Variants in CUL3 observed in about 807,000 individuals in gnomAD.
CUL3 encodes the protein cullin 3.
In CUL3, 19 loss-of-function variants were observed where a neutral mutation model predicts 89.1. That is an observed-to-expected ratio of 0.21 (90% CI 0.15 to 0.31). The LOEUF (loss-of-function observed/expected upper bound fraction) is 0.31, where lower values mean the gene tolerates loss of function less well. CUL3 is among the 10% of genes least tolerant of loss of function. CUL3 has a pLI of 1.00. For missense variants in CUL3, 469 were observed against 942.3 expected (o/e 0.50, Z 6.58); for synonymous variants, 351 against 308.4 (o/e 1.14, Z -1.45).
chr2:224,543,914 G>A (rs1026175917), intron 2 of CUL3, among the ~76,000 whole-genome samples: 3 of 152,040 alleles, frequency 2.0e-5, no homozygotes, highest in Admixed American at 1.3e-4. Flanking sequence ...AAGCCCAGGA[G>A]GTGGAAGCTG....
Position 224,539,994 on chromosome 2 carries a change from G to A in CUL3, c.265-4353C>T, listed in dbSNP as rs184410364. Among the ~76,000 whole-genome samples, 35 of 152,078 alleles carry A rather than the reference G, an allele frequency of 2.3e-4. No individual in the cohort carries two copies. In the East Asian group the frequency reaches 6.8e-3, roughly 29 times the overall value. Reference sequence around the variant, plus strand: ...TCTGGTGTGGATGTGCATACAGGGGGGGAGGCTGTGCATATGTTGGGGCAG... The same window carrying A: ...TCTGGTGTGGATGTGCATACAGGGGAGGAGGCTGTGCATATGTTGGGGCAG... On this transcript the variant is annotated intron_variant, in intron 2 of 15. Transcript: ENST00000264414.
intron 2 of CUL3, among the ~76,000 whole-genome samples, chr2:224,546,484 G>C (rs1185075859): frequency 6.6e-6 from 1 of 152,106 alleles, no homozygotes; most frequent in Non-Finnish European, 1.5e-5. Context: ...TCAGCTATTT[G>C]TGGCTATGAA....
chr2:224,571,755 C>CTAAAAA (rs1351388951), intron 1 of CUL3, among the ~76,000 whole-genome samples: 1 of 152,148 alleles, frequency 6.6e-6, no homozygotes, highest in African/African-American at 2.4e-5. Flanking sequence ...AAATCTAAGA[C>CTAAAAA]TAAAAAGTAA....
intron 3 of CUL3, among the ~76,000 whole-genome samples, chr2:224,532,453 T>C (rs4674919): frequency 0.49 from 73,340 of 149,516 alleles, 18,047 homozygotes; most frequent in East Asian, 0.59. Context: ...CTGTGGCAAA[T>C]GCTGCTTAAA....
At chr2:224,519,658 A>ATG (rs2106234191) in intron 3 of CUL3, among the ~76,000 whole-genome samples, 1 of 152,332 alleles carries the variant, frequency 6.6e-6, no homozygotes, top group African/African-American at 2.4e-5. Context: ...TTTATATTAA[A>ATG]TGTCTGACAT....
At chr2:224,533,138 A>G (rs1268459126) in intron 3 of CUL3, 1 of 152,270 alleles carries the variant, frequency 6.6e-6, no homozygotes, top group Non-Finnish European at 1.5e-5. Flanking sequence ...AGGGTTGACC[A>G]CAGGTCTGTG....
intron 15 of CUL3, 73 bp downstream of exon 15, chr2:224,478,127 T>C: frequency 7.0e-7 from 1 of 1,430,954 alleles, no homozygotes; most frequent in Non-Finnish European, 9.4e-7. Flanking sequence ...TTTTTAAAAT[T>C]AGTTGAATAC....
intron 2 of CUL3, among the ~76,000 whole-genome samples, chr2:224,552,430 T>C (rs1225813105): frequency 1.3e-5 from 2 of 152,090 alleles, no homozygotes; most frequent in Non-Finnish European, 2.9e-5. Context: ...ACAAGAAAAA[T>C]AATATCCTAC....
chr2:224,505,003 G>A (rs949775444), intron 8 of CUL3, among the ~76,000 whole-genome samples: 1 of 152,090 alleles, frequency 6.6e-6, no homozygotes, highest in African/African-American at 2.4e-5. Flanking sequence ...ATTATTGTTT[G>A]ACATATAACC....
intron 6 of CUL3, 54 bp downstream of exon 6, chr2:224,511,300 A>C (rs573749631): frequency 4.6e-6 from 6 of 1,314,946 alleles, no homozygotes; most frequent in East Asian, 4.9e-5. Flanking sequence ...AAATTTTAAA[A>C]ATATCGATAA....
chr2:224,489,724 A>T (rs1487347573), intron 13 of CUL3, among the ~76,000 whole-genome samples: 1 of 152,182 alleles, frequency 6.6e-6, no homozygotes, highest in Non-Finnish European at 1.5e-5. Flanking sequence ...AGAAAAAACT[A>T]CTCATAAGAC....
At chr2:224,526,231 T>C (rs11691054) in intron 3 of CUL3, among the ~76,000 whole-genome samples, 28,875 of 152,140 alleles carry the variant, frequency 0.19, 3,061 homozygotes, top group South Asian at 0.27. Flanking sequence ...AAACTTCCCA[T>C]ATACATTGTC....
intron 3 of CUL3, among the ~76,000 whole-genome samples, chr2:224,517,398 T>C (rs545120422): frequency 6.6e-6 from 1 of 152,040 alleles, no homozygotes; most frequent in African/African-American, 2.4e-5. Flanking sequence ...ACAGGCCAGG[T>C]GCGGTGGCTC....
In CUL3 at chr2:224,485,571, C is replaced by A. The variant is rs1291928880; in HGVS notation, c.1843-3493G>T. On this transcript the variant is annotated intron_variant, in intron 13 of 15. Coordinates refer to ENST00000264414, the MANE Select transcript of CUL3 (RefSeq NM_003590.5). The surrounding 1 kb of genome is among the most constrained non-coding windows in gnomAD (Gnocchi z 4.1). ...AACTGCCTCTCTAGATTCCTCTTGA[C>A]TGGGCAGGGCATCTCGGAAAGAAAG... Among the ~76,000 whole-genome samples the A allele has an allele frequency of 6.6e-6, 1 of 152,194 alleles. No individual in the cohort carries two copies. Among genetic ancestry groups the A allele is most frequent in the African/African-American group, 2.4e-5 (1 of 41,456 alleles).
chr2:224,541,175 C>A, intron 2 of CUL3, among the ~76,000 whole-genome samples: 1 of 150,226 alleles, frequency 6.7e-6, no homozygotes, highest in East Asian at 2.0e-4. Context: ...CAGAGAGAAG[C>A]TACAGAATAG....
chr2:224,482,093 G>C lies in CUL3; in HGVS notation c.1843-15C>G, dbSNP rs777243450. On this transcript the variant is annotated splice_polypyrimidine_tract_variant and intron_variant, in intron 13 of 15. Transcript: ENST00000264414. Reference sequence around the variant, plus strand: ...TGCTGAATTTCCTGAAATTTCATCAGATTAACATAATTAGACTTTTTGAAA... The same window carrying C: ...TGCTGAATTTCCTGAAATTTCATCACATTAACATAATTAGACTTTTTGAAA... The C allele has an allele frequency of 6.3e-7, 1 of 1,575,864 alleles. No homozygotes were observed.
At chr2:224,486,472 C>T (rs1559340072) in intron 13 of CUL3, among the ~76,000 whole-genome samples, 1 of 151,814 alleles carries the variant, frequency 6.6e-6, no homozygotes, top group African/African-American at 2.4e-5. Context: ...GTGAAGCACA[C>T]ACAAGTATCA....
chr2:224,474,227 C>G lies in CUL3; in HGVS notation c.*18G>C, dbSNP rs2106132671. On this transcript the variant is annotated 3_prime_UTR_variant, in exon 16 of 16. Transcript: ENST00000264414. The stretch of plus-strand genomic sequence containing the variant: ...CGAAGAGTACAGTCCAAGAATAAAT[C>G]AAATTTCTGAACGCATTTTATGCTA... 1 of 1,610,366 alleles carries G rather than the reference C, an allele frequency of 6.2e-7. No homozygotes were observed. The highest frequency in any genetic ancestry group is 1.3e-5 in the African/African-American group (1 of 74,848).
At chr2:224,574,391 C>T (rs1695252194) in intron 1 of CUL3, among the ~76,000 whole-genome samples, 1 of 152,172 alleles carries the variant, frequency 6.6e-6, no homozygotes, top group African/African-American at 2.4e-5. Context: ...ACTACAGGAT[C>T]AGTTCTCAAT....
Sources: allele counts gnomAD v4.1 joint callset (sites outside exome capture counted in the v4.1 genomes callset), GRCh38; gene constraint gnomAD v4.1.1; non-coding constraint Gnocchi (gnomAD v3.1); transcripts MANE v1.5; gene names NCBI Gene and HGNC (gene_info 2026-07-23, HGNC 2026-07-21).